The following CFAP68 variants were observed in gnomAD, a reference collection of about 807,000 sequenced individuals.
CFAP68 encodes the protein cilia- and flagella-associated protein 68.
the CFAP68 span, chr11:111,881,065 G>T: frequency 2.3e-6 from 1 of 430,972 alleles, no homozygotes; most frequent in Non-Finnish European, 3.6e-6. Context: ...ATTGAAATTT[G>T]GCAATGGGAA....
chr11:111,883,676 C>A, the CFAP68 span: 1 of 830,640 alleles, frequency 1.2e-6, no homozygotes, highest in Non-Finnish European at 2.0e-6. Context: ...GACTTACTGT[C>A]TATTCCCTAG....
the CFAP68 span, chr11:111,882,573 T>G: frequency 3.1e-6 from 5 of 1,607,098 alleles, no homozygotes; most frequent in Non-Finnish European, 4.3e-6. Flanking sequence ...AGGAATATCG[T>G]GCAGCCCAAA....
chr11:111,882,204 G>A, the CFAP68 span, among the ~76,000 whole-genome samples: 3 of 152,144 alleles, frequency 2.0e-5, no homozygotes, highest in Non-Finnish European at 4.4e-5. Flanking sequence ...ATGGATCAAA[G>A]GGTCCCAGGA....
At chr11:111,882,404 T>TGTGGC in the CFAP68 span, 1 of 1,614,182 alleles carries the variant, frequency 6.2e-7, no homozygotes, top group Non-Finnish European at 8.5e-7. Flanking sequence ...AAACCCACAC[T>TGTGGC]GTGGCAGCCT....
the CFAP68 span, chr11:111,882,443 T>C: frequency 2.4e-5 from 38 of 1,614,084 alleles, no homozygotes; most frequent in Non-Finnish European, 2.9e-5. Context: ...TGGTGAAGTG[T>C]GGACAGATTG....
chr11:111,882,535 C>T, the CFAP68 span: 1 of 1,613,820 alleles, frequency 6.2e-7, no homozygotes, highest in Non-Finnish European at 8.5e-7. Flanking sequence ...CCCTGATGGG[C>T]AACTGGAACC....
the CFAP68 span, among the ~76,000 whole-genome samples, chr11:111,879,821 A>C: frequency 6.6e-6 from 1 of 152,262 alleles, no homozygotes; most frequent in African/African-American, 2.4e-5. Context: ...AACGTTACCA[A>C]GTTTGGGGGC....
the CFAP68 span, chr11:111,882,399 C>A: frequency 6.2e-7 from 1 of 1,614,158 alleles, no homozygotes; most frequent in South Asian, 1.1e-5. Context: ...CTCACAAACC[C>A]ACACTGTGGC....
chr11:111,883,042 T>C, the CFAP68 span: 2 of 928,172 alleles, frequency 2.2e-6, no homozygotes, highest in Non-Finnish European at 3.4e-6. Context: ...ATCTAAAATA[T>C]GACAGTCCGT....
chr11:111,883,578 G>C, the CFAP68 span, among the ~76,000 whole-genome samples: 1 of 151,152 alleles, frequency 6.6e-6, no homozygotes, highest in Non-Finnish European at 1.5e-5. Flanking sequence ...GGGTGACAGA[G>C]TGAGACTCTA....
chr11:111,879,668 G>A, the CFAP68 span: 2 of 1,548,500 alleles, frequency 1.3e-6, no homozygotes, highest in Admixed American at 1.7e-5. Flanking sequence ...TTGCGTGCCA[G>A]GCCACTGTGA....
the CFAP68 span, chr11:111,884,750 A>G: frequency 1.3e-5 from 2 of 152,204 alleles, no homozygotes; most frequent in Non-Finnish European, 2.9e-5. Context: ...ATGAACTCCC[A>G]TGTATCATTA....
chr11:111,880,749 A>C, the CFAP68 span: 1 of 456,240 alleles, frequency 2.2e-6, no homozygotes, highest in Non-Finnish European at 4.4e-6. Flanking sequence ...CTTATGCTTT[A>C]TAGACTCACC....
the CFAP68 span, chr11:111,880,903 A>T: frequency 2.4e-6 from 1 of 412,414 alleles, no homozygotes; most frequent in Non-Finnish European, 4.8e-6. Flanking sequence ...CCACTGAAAG[A>T]TTTTAAATAA....
chr11:111,880,591 A>G, the CFAP68 span, among the ~76,000 whole-genome samples: 3 of 152,252 alleles, frequency 2.0e-5, no homozygotes, highest in Non-Finnish European at 4.4e-5. Context: ...AAGTTACCGT[A>G]TATGGTCTAA....
At chr11:111,883,963 C>G in the CFAP68 span, 1,340 of 1,053,572 alleles carry the variant, frequency 1.3e-3, 4 homozygotes, top group Non-Finnish European at 1.4e-3. Flanking sequence ...TAAGATACTT[C>G]ACTTTTCCAG....
At chr11:111,882,420 A>G in the CFAP68 span, 1 of 1,614,214 alleles carries the variant, frequency 6.2e-7, no homozygotes, top group Non-Finnish European at 8.5e-7. Flanking sequence ...AGCCTTGTTA[A>G]TGCAGATGGC....
chr11:111,882,326 C>G, the CFAP68 span: 1 of 1,540,468 alleles, frequency 6.5e-7, no homozygotes, highest in Non-Finnish European at 8.9e-7. Flanking sequence ...TTTCTCTTCT[C>G]TGGTTTATGC....
the CFAP68 span, chr11:111,884,025 C>A: frequency 1.7e-5 from 10 of 580,072 alleles, no homozygotes; most frequent in Middle Eastern, 1.0e-3. Context: ...ATTTAGCTCA[C>A]TGTAACACAG....
Sources: gnomAD v4.1 joint callset for allele counts (sites outside exome capture counted in the v4.1 genomes callset) on GRCh38, gnomAD v4.1.1 for gene constraint, MANE v1.5 for transcripts, NCBI Gene and HGNC (gene_info 2026-07-23, HGNC 2026-07-21) for gene names.